Variants in CIMAP1D observed in about 807,000 individuals in gnomAD.
The protein encoded by CIMAP1D is protein CIMAP1D.
At chr19:490,037 G>A in the CIMAP1D span, 1 of 398,584 alleles carries the variant, frequency 2.5e-6, no homozygotes, top group Non-Finnish European at 4.4e-6. Context: ...GAAATGGGTG[G>A]TAGTAAGTAA....
At chr19:477,756 G>A in the CIMAP1D span, among the ~76,000 whole-genome samples, 1 of 152,134 alleles carries the variant, frequency 6.6e-6, no homozygotes, top group Non-Finnish European at 1.5e-5. Flanking sequence ...TCCGCCTCCC[G>A]GGTTCACGCC....
chr19:467,891 G>C, the CIMAP1D span: 1 of 620,534 alleles, frequency 1.6e-6, no homozygotes, highest in Middle Eastern at 4.4e-4. Flanking sequence ...TCCCATCTCG[G>C]AGGGGTCACC....
At chr19:465,962 GAT>G in the CIMAP1D span, among the ~76,000 whole-genome samples, 1 of 145,438 alleles carries the variant, frequency 6.9e-6, no homozygotes, top group African/African-American at 2.5e-5. Flanking sequence ...TAGGTGGGTG[GAT>G]GGATGAGTGG....
chr19:474,779 C>T, the CIMAP1D span: 28 of 1,449,936 alleles, frequency 1.9e-5, no homozygotes, highest in East Asian at 2.7e-5. Flanking sequence ...ACAGCACCCA[C>T]GGGGCCTGGT....
the CIMAP1D span, among the ~76,000 whole-genome samples, chr19:479,922 A>G: frequency 4.6e-5 from 7 of 152,350 alleles, no homozygotes; most frequent in South Asian, 4.1e-4. Context: ...TTTCTATTTA[A>G]AAGTTTCCTT....
chr19:475,344 C>A, the CIMAP1D span, among the ~76,000 whole-genome samples: 279 of 152,210 alleles, frequency 1.8e-3, 3 homozygotes, highest in Non-Finnish European at 2.2e-3. Flanking sequence ...GAACTGGACA[C>A]GAACAGACGG....
the CIMAP1D span, chr19:474,690 G>A: frequency 2.4e-5 from 37 of 1,571,038 alleles, no homozygotes; most frequent in Admixed American, 7.3e-5. Context: ...TCCGTCACTC[G>A]CCGGCCAAGG....
chr19:472,485 C>T, the CIMAP1D span: 1 of 1,544,424 alleles, frequency 6.5e-7, no homozygotes, highest in East Asian at 2.5e-5. Flanking sequence ...GCAGGACATA[C>T]AAGCCTGGCC....
At chr19:488,489 T>C in the CIMAP1D span, among the ~76,000 whole-genome samples, 1 of 152,204 alleles carries the variant, frequency 6.6e-6, no homozygotes, top group African/African-American at 2.4e-5. Context: ...GCCACTGCAC[T>C]CCAGCCTGGG....
the CIMAP1D span, chr19:464,031 G>C: frequency 6.2e-7 from 1 of 1,601,992 alleles, no homozygotes; most frequent in Non-Finnish European, 8.5e-7. Flanking sequence ...CGGGGCCCGG[G>C]GCCGCCCCAG....
chr19:481,933 C>A, the CIMAP1D span, among the ~76,000 whole-genome samples: 1,495 of 152,068 alleles, frequency 9.8e-3, 29 homozygotes, highest in African/African-American at 0.034. Context: ...GTGTCACCAT[C>A]CCTGGCTAAT....
chr19:475,428 T>A, the CIMAP1D span, among the ~76,000 whole-genome samples: 5 of 152,006 alleles, frequency 3.3e-5, no homozygotes, highest in Non-Finnish European at 7.4e-5. Context: ...CAGTCTGGTG[T>A]ATGAGGAGGC....
At chr19:478,447 C>T in the CIMAP1D span, among the ~76,000 whole-genome samples, 3 of 152,372 alleles carry the variant, frequency 2.0e-5, no homozygotes, top group South Asian at 2.1e-4. Flanking sequence ...GATGGGAAGC[C>T]GGCCAAGCCG....
the CIMAP1D span, among the ~76,000 whole-genome samples, chr19:479,692 C>T: frequency 1.0e-3 from 157 of 151,670 alleles, no homozygotes; most frequent in Non-Finnish European, 1.8e-3. Flanking sequence ...CGTGAGCCAC[C>T]GTGCCCGGCT....
chr19:487,215 G>A, the CIMAP1D span, among the ~76,000 whole-genome samples: 3 of 152,100 alleles, frequency 2.0e-5, no homozygotes, highest in African/African-American at 7.2e-5. Flanking sequence ...AGTTCGCGGC[G>A]ATCTGTGAGC....
At chr19:464,227 C>T in the CIMAP1D span, 2 of 1,524,212 alleles carry the variant, frequency 1.3e-6, no homozygotes, top group South Asian at 1.2e-5. Context: ...ATGGTGTAGG[C>T]ATTAGGGGCA....
chr19:479,223 T>G, the CIMAP1D span, among the ~76,000 whole-genome samples: 2 of 152,188 alleles, frequency 1.3e-5, no homozygotes, highest in Non-Finnish European at 2.9e-5. Context: ...TTCCTACGAT[T>G]AGGCATAATT....
At chr19:489,091 T>C in the CIMAP1D span, 3 of 152,098 alleles carry the variant, frequency 2.0e-5, no homozygotes, top group South Asian at 6.2e-4. Flanking sequence ...GCGGGAGTTG[T>C]GGTTCAGCTG....
chr19:486,263 A>T, the CIMAP1D span, among the ~76,000 whole-genome samples: 1 of 152,182 alleles, frequency 6.6e-6, no homozygotes, highest in Non-Finnish European at 1.5e-5. Flanking sequence ...AGGTCCTACA[A>T]GCCCAGGTCC....
Sources: gnomAD v4.1 joint callset for allele counts (sites outside exome capture counted in the v4.1 genomes callset) on GRCh38, gnomAD v4.1.1 for gene constraint, MANE v1.5 for transcripts, NCBI Gene and HGNC (gene_info 2026-07-23, HGNC 2026-07-21) for gene names.